Variants in COPG2 observed in about 807,000 individuals in gnomAD.
COPG2 encodes coat protein complex I subunit gamma 2, also known as coatomer subunit gamma-2.
A neutral mutation model predicts 46.3 loss-of-function variants in COPG2; 37 were observed. The observed-to-expected ratio is 0.80, with a 90% CI of 0.61 to 1.05. COPG2 has a LOEUF of 1.05. Ranked by LOEUF, COPG2 falls within the 50% of genes least tolerant of loss-of-function variation. The pLI is 0.00. For missense variants in COPG2, 427 were observed against 387.8 expected, an observed-to-expected ratio of 1.10 and a Z score of -0.85; for synonymous variants, 159 against 129.7, an observed-to-expected ratio of 1.23 and a Z score of -1.53.
In COPG2 at chr7:130,506,496, A is replaced by AAAAAC. The variant is rs1554440016; in HGVS notation, c.*175_*179dup. On this transcript the variant is annotated 3_prime_UTR_variant, in exon 24 of 24. Coordinates refer to ENST00000425248, the MANE Select transcript of COPG2 (RefSeq NM_012133.6). ...AAGTAGAATAAAAAGAAAAAAAAAA[A>AAAAAC]AAAACAACCCATGCGCAAAGATAGA... 9 of 443,042 alleles carry AAAAAC rather than the reference A, an allele frequency of 2.0e-5. No homozygotes were observed. The South Asian group carries it at 3.6e-4, about 18-fold the overall frequency. The allele number at this position is 443,042 out of a possible 1,614,324, so 27.4% of individuals were successfully genotyped here. A position where few individuals can be genotyped will look rare whatever the true frequency, so the allele number is the denominator to read the frequency against.
intron 23 of COPG2, 105 bp from the exon 24 acceptor site, chr7:130,506,911 A>T: frequency 1.6e-6 from 1 of 625,970 alleles, no homozygotes. Flanking sequence ...AGTTTAGTTT[A>T]GCTTTTCCAG....
intron 13 of COPG2, 128 bp from the exon 14 acceptor site, chr7:130,554,852 G>GT (rs1364082683): frequency 5.0e-6 from 2 of 397,674 alleles, no homozygotes; most frequent in African/African-American, 2.1e-5. Flanking sequence ...AAGCAAAAGT[G>GT]TTTTTTCTCC....
chr7:130,656,200 T>C (rs782327510), intron 4 of COPG2, among the ~76,000 whole-genome samples: 1 of 152,034 alleles, frequency 6.6e-6, no homozygotes, highest in Non-Finnish European at 1.5e-5. Flanking sequence ...TTGGTTTGAT[T>C]TTTTAGCTTT....
At chr7:130,647,385 A>G (rs1554458456) in intron 5 of COPG2, among the ~76,000 whole-genome samples, 1 of 152,116 alleles carries the variant, frequency 6.6e-6, no homozygotes, top group Admixed American at 6.5e-5. Context: ...TACAAACTCC[A>G]TGGATATTTT....
intron 9 of COPG2, among the ~76,000 whole-genome samples, chr7:130,570,104 G>C (rs1179659293): frequency 6.6e-6 from 1 of 152,158 alleles, no homozygotes; most frequent in Non-Finnish European, 1.5e-5. Flanking sequence ...GCATTATACT[G>C]AACAGGAAAA....
At chr7:130,631,166 T>C (rs1162197786) in intron 5 of COPG2, among the ~76,000 whole-genome samples, 1 of 127,858 alleles carries the variant, frequency 7.8e-6, no homozygotes, top group Non-Finnish European at 1.6e-5. Context: ...CTTTTCTTTT[T>C]CTTTTCTTTT....
At chr7:130,568,036 T>G (rs1409963511) in intron 9 of COPG2, among the ~76,000 whole-genome samples, 1 of 152,148 alleles carries the variant, frequency 6.6e-6, no homozygotes, top group Non-Finnish European at 1.5e-5. Flanking sequence ...CTCAGCACTT[T>G]GGGAGGCCGA....
At chr7:130,519,160 G>A (rs1160777673) in intron 20 of COPG2, among the ~76,000 whole-genome samples, 1 of 152,114 alleles carries the variant, frequency 6.6e-6, no homozygotes, top group Non-Finnish European at 1.5e-5. Flanking sequence ...AAGGAGGGCC[G>A]GGATGAGGAG....
chr7:130,552,009 G>C (rs1793540046), intron 15 of COPG2, among the ~76,000 whole-genome samples: 1 of 152,132 alleles, frequency 6.6e-6, no homozygotes, highest in Non-Finnish European at 1.5e-5. Context: ...AATCAAATGT[G>C]ACATGTACCT....
At chr7:130,508,190 AAACT>A (rs1799533443) in intron 21 of COPG2, 3 of 255,654 alleles carry the variant, frequency 1.2e-5, no homozygotes, top group South Asian at 1.8e-4. Context: ...ATCTGGCTAT[AAACT>A]AACAGCTGCT....
chr7:130,566,493 C>A (rs1333666077), intron 9 of COPG2, among the ~76,000 whole-genome samples: 5 of 152,138 alleles, frequency 3.3e-5, no homozygotes, highest in Admixed American at 2.0e-4. Flanking sequence ...ATGAATTGTT[C>A]TTCTTAGGTT....
chr7:130,580,186 G>A (rs1295520738), intron 9 of COPG2, among the ~76,000 whole-genome samples: 3 of 152,160 alleles, frequency 2.0e-5, no homozygotes, highest in Non-Finnish European at 4.4e-5. Flanking sequence ...TCAGGATTAA[G>A]AAACTCACTC....
At chr7:130,597,321 T>C (rs1392878240) in intron 9 of COPG2, among the ~76,000 whole-genome samples, 2 of 152,238 alleles carry the variant, frequency 1.3e-5, no homozygotes, top group South Asian at 4.1e-4. Context: ...TCTTTTTCGA[T>C]GTCTGATCTA....
chr7:130,534,670 GA>G (rs1415652840), intron 20 of COPG2, among the ~76,000 whole-genome samples: 2,758 of 152,274 alleles, frequency 0.018, 43 homozygotes, highest in Non-Finnish European at 0.024. Context: ...AAGAGTGGAG[GA>G]AAGGTAGAAC....
intron 20 of COPG2, chr7:130,509,138 G>T (rs897034712): frequency 1.1e-5 from 5 of 444,268 alleles, no homozygotes; most frequent in Admixed American, 2.6e-5. Context: ...TGGACTGATG[G>T]CGGGTCCACA....
At chr7:130,571,603 T>C (rs1186482254) in intron 9 of COPG2, among the ~76,000 whole-genome samples, 1 of 152,184 alleles carries the variant, frequency 6.6e-6, no homozygotes, top group Non-Finnish European at 1.5e-5. Context: ...GGTGGGAATG[T>C]GAACTAGGAC....
At chr7:130,563,768 AAAAAAG>A (rs1426958128) in intron 10 of COPG2, among the ~76,000 whole-genome samples, 1 of 108,494 alleles carries the variant, frequency 9.2e-6, no homozygotes, top group Non-Finnish European at 1.7e-5. Context: ...AAAAAAAAAA[AAAAAAG>A]AAAAAAAAAA....
intron 15 of COPG2, 67 bp downstream of exon 15, chr7:130,552,288 T>C (rs891026740): frequency 5.3e-5 from 21 of 397,084 alleles, no homozygotes; most frequent in Non-Finnish European, 8.0e-5. Flanking sequence ...TATGGTAGAA[T>C]GAGGATTTCA....
At chr7:130,607,641 G>T in intron 9 of COPG2, 1 of 512,508 alleles carries the variant, frequency 2.0e-6, no homozygotes, top group Non-Finnish European at 3.9e-6. Context: ...TAGTTCAGTT[G>T]GTCAGCCAGT....
Sources: gnomAD v4.1 joint callset for allele counts (sites outside exome capture counted in the v4.1 genomes callset) on GRCh38, gnomAD v4.1.1 for gene constraint, MANE v1.5 for transcripts, NCBI Gene and HGNC (gene_info 2026-07-23, HGNC 2026-07-21) for gene names.